Variants in ERICH4 observed in about 807,000 individuals in gnomAD.
The protein encoded by ERICH4 is glutamate-rich protein 4.
ERICH4 carries 4 observed loss-of-function variants against 5.2 expected under a neutral mutation model. The ratio of observed to expected loss-of-function variants is 0.77; its 90% CI spans 0.38 to 1.76. The LOEUF (loss-of-function observed/expected upper bound fraction) is 1.76. Among genes scored for constraint, ERICH4 ranks in the 40% most tolerant of loss-of-function variants. The probability of loss-of-function intolerance (pLI) is 0.04; values close to 1 mark genes in which losing one functional copy is unlikely to be tolerated. For missense variants in ERICH4, 164 were observed against 159.8 expected, an observed-to-expected ratio of 1.03 and a Z score of -0.14; for synonymous variants, 75 against 68.7, an observed-to-expected ratio of 1.09 and a Z score of -0.45.
At chr19:41,443,708 GA>G (rs1239468453) in intron 1 of ERICH4, among the ~76,000 whole-genome samples, 3 of 152,040 alleles carry the variant, frequency 2.0e-5, no homozygotes, top group Non-Finnish European at 4.4e-5. Context: ...CAGGGGCATG[GA>G]AAGACAAAAA....
rs1482134259 is a variant in ERICH4, at chr19:41,444,098, A to G, written c.267A>G (p.Ile89Met). The stretch of plus-strand genomic sequence containing the variant: ...CGCTGCGGGAGGAACTGGTCACCAT[A>G]TTGGAGGAGGAGGAGGAGAGCAGCA... ...MGALREELVT[I>M]LEEEEESSKE... Residue 89 changes from isoleucine (I) to methionine (M), a missense_variant, in exon 2 of 2, where the codon ATA becomes ATG. By Grantham distance (10) the Ile-to-Met change is conservative. Coordinates refer to ENST00000378187, the MANE Select transcript of ERICH4 (RefSeq NM_001130514.3). 1.3e-6 allele frequency: 2 copies of G among 1,551,640 alleles called. No individual in the cohort carries two copies. Among genetic ancestry groups the G allele is most frequent in the Non-Finnish European group, 1.7e-6 (2 of 1,147,004 alleles).
Position 41,443,258 on chromosome 19 carries a change from TG to T in ERICH4, c.91del (p.Glu31LysfsTer98), listed in dbSNP as rs1555773420. On this transcript the variant is annotated frameshift_variant, in exon 1 of 2. Coordinates refer to ENST00000378187, the MANE Select transcript of ERICH4 (RefSeq NM_001130514.3). LOFTEE classifies it high-confidence loss of function. Reference sequence around the variant, plus strand: ...CAGGCCCTGAGGGAGGTCTCCCCAGTGGAAATCCCTGGTCAGACCCTCAGGA... The same window carrying T: ...CAGGCCCTGAGGGAGGTCTCCCCAGTGAAATCCCTGGTCAGACCCTCAGGA... ...PPQALREVSP[V>X]EIPGQTLRTA... 7.0e-7 allele frequency: 1 copy of T among 1,424,002 alleles called. No homozygotes were observed. Among genetic ancestry groups the T allele is most frequent in the Non-Finnish European group, 9.2e-7 (1 of 1,081,892 alleles). 88.2% of individuals were successfully genotyped at this position (1,424,002 alleles called of 1,614,324 possible).
chr19:41,443,223 C>G lies in ERICH4; in HGVS notation c.54C>G (p.Gly18=), dbSNP rs1161075447. The change falls in exon 1 of 2, where the codon GGC becomes GGG. Residue 18 remains glycine (G), a synonymous_variant. Coordinates refer to ENST00000378187, the MANE Select transcript of ERICH4 (RefSeq NM_001130514.3). ...NQAGLVPPGL[G]PPPQALREVS... is the part of the protein sequence containing the mutation. ...CTGGACTGGTGCCTCCGGGGCTGGG[C>G]CCACCCCCCCAGGCCCTGAGGGAGG... 2.0e-6 allele frequency: 3 copies of G among 1,470,846 alleles called. No homozygotes were observed. In the South Asian group the frequency reaches 4.0e-5, roughly 20 times the overall value. 91.1% of individuals were successfully genotyped at this position (1,470,846 alleles called of 1,614,324 possible).
rs1555773593 is a variant in ERICH4, at chr19:41,444,307, G to T, written c.*83G>T. The T allele has an allele frequency of 1.4e-6, 2 of 1,463,816 alleles. No individual in the cohort carries two copies. Among genetic ancestry groups the T allele is most frequent in the Non-Finnish European group, 1.9e-6 (2 of 1,069,434 alleles). The allele number at this position is 1,463,816 out of a possible 1,614,324, so 90.7% of individuals were successfully genotyped here. A position where few individuals can be genotyped will look rare whatever the true frequency, so the allele number is the denominator to read the frequency against. On this transcript the variant is annotated 3_prime_UTR_variant, in exon 2 of 2. Transcript: ENST00000378187. ...GAAGGGAGATTTGCAGGTCAAAGCA[G>T]ATGTGGAATCAAGTATACCCCTTTA... is the stretch of plus-strand genomic sequence containing the variant.
Position 41,444,297 on chromosome 19 carries a change from G to A in ERICH4, c.*73G>A. ...ATGTAAAGGAGAAGGGAGATTTGCA[G>A]GTCAAAGCAGATGTGGAATCAAGTA... On this transcript the variant is annotated 3_prime_UTR_variant, in exon 2 of 2. Coordinates refer to ENST00000378187, the MANE Select transcript of ERICH4 (RefSeq NM_001130514.3). 5 of 1,498,198 alleles carry A rather than the reference G, an allele frequency of 3.3e-6. No individual in the cohort carries two copies. The highest frequency in any genetic ancestry group is 3.6e-4 in the Middle Eastern group (2 of 5,614). The allele number at this position is 1,498,198 out of a possible 1,614,324, so 92.8% of individuals were successfully genotyped here. A position where few individuals can be genotyped will look rare whatever the true frequency, so the allele number is the denominator to read the frequency against.
rs1568533400 is a variant in ERICH4, at chr19:41,444,055, T to C, written c.224T>C (p.Leu75Pro). 1.3e-6 allele frequency: 2 copies of C among 1,550,810 alleles called. No homozygotes were observed. Residue 75 changes from leucine to proline, a missense_variant, in exon 2 of 2, where the codon CTG becomes CCG. Leu to Pro is a moderately conservative substitution (Grantham distance 98). Coordinates refer to ENST00000378187, the MANE Select transcript of ERICH4 (RefSeq NM_001130514.3). The part of the protein sequence containing the change: ...DVQLLGQLCS[L>P]GLEMGALREE... ...CAGCTGCTGGGACAGCTGTGCAGCC[T>C]GGGGCTGGAGATGGGGGCGCTGCGG...
chr19:41,444,411 T>C lies in ERICH4; in HGVS notation c.*187T>C. On this transcript the variant is annotated 3_prime_UTR_variant, in exon 2 of 2. Coordinates refer to ENST00000378187, the MANE Select transcript of ERICH4 (RefSeq NM_001130514.3). ...GCTATGGGTGTGTTTGCAGATGACA[T>C]GAGGATGTGTTTGGAGGTGATGTGG... 1 of 655,300 alleles carries C rather than the reference T, an allele frequency of 1.5e-6. No homozygotes were observed. The highest frequency in any genetic ancestry group is 2.6e-6 in the Non-Finnish European group (1 of 379,920). 40.6% of individuals were successfully genotyped at this position (655,300 alleles called of 1,614,324 possible). A position where few individuals can be genotyped will look rare whatever the true frequency, so the allele number is the denominator to read the frequency against.
chr19:41,443,909 G>C, intron 1 of ERICH4, 97 bp from the exon 2 acceptor site: 1 of 899,414 alleles, frequency 1.1e-6, no homozygotes, highest in Non-Finnish European at 1.7e-6. Flanking sequence ...AGGCGCTGTG[G>C]CCAGGACATG....
intron 1 of ERICH4, 40 bp from the exon 2 acceptor site, chr19:41,443,966 C>T (rs781994212): frequency 1.4e-5 from 21 of 1,503,898 alleles, no homozygotes; most frequent in Middle Eastern, 2.3e-4. Flanking sequence ...CCCTTGCTCT[C>T]TGGGGTGGCA....
Position 41,443,214 on chromosome 19 carries a change from G to A in ERICH4, c.45G>A (p.Pro15=), listed in dbSNP as rs567385141. The A allele has an allele frequency of 5.2e-5, 77 of 1,480,850 alleles. No individual in the cohort carries two copies. Among genetic ancestry groups the A allele is most frequent in the Non-Finnish European group, 5.8e-5 (65 of 1,113,106 alleles). The allele number at this position is 1,480,850 out of a possible 1,614,324, so 91.7% of individuals were successfully genotyped here. A position where few individuals can be genotyped will look rare whatever the true frequency, so the allele number is the denominator to read the frequency against. The stretch of plus-strand genomic sequence containing the variant: ...TGAATCAGGCTGGACTGGTGCCTCC[G>A]GGGCTGGGCCCACCCCCCCAGGCCC... ...RQLNQAGLVP[P]GLGPPPQALR... is the part of the protein sequence containing the mutation. Residue 15 remains proline, a synonymous_variant, in exon 1 of 2, where the codon CCG becomes CCA. Transcript: ENST00000378187.
Position 41,444,305 on chromosome 19 carries a change from C to A in ERICH4, c.*81C>A. The A allele has an allele frequency of 2.7e-6, 4 of 1,469,696 alleles. No homozygotes were observed. Among genetic ancestry groups the A allele is most frequent in the Non-Finnish European group, 3.7e-6 (4 of 1,074,530 alleles). 91.0% of individuals were successfully genotyped at this position (1,469,696 alleles called of 1,614,324 possible). ...GAGAAGGGAGATTTGCAGGTCAAAG[C>A]AGATGTGGAATCAAGTATACCCCTT... is the stretch of plus-strand genomic sequence containing the variant. On this transcript the variant is annotated 3_prime_UTR_variant, in exon 2 of 2. Transcript: ENST00000378187.
chr19:41,444,017 C>A lies in ERICH4; in HGVS notation c.186C>A (p.Arg62=), dbSNP rs1207344227. 1.3e-6 allele frequency: 2 copies of A among 1,549,082 alleles called. No individual in the cohort carries two copies. The highest frequency in any genetic ancestry group is 1.7e-6 in the Non-Finnish European group (2 of 1,146,116). ...CTTCCTACTGGCAGGGGAACCTGCG[C>A]CGAGTGGATGTCCAGCTGCTGGGAC... ...LWIREELGNL[R]RVDVQLLGQL... is the part of the protein sequence containing the mutation. The change falls in exon 2 of 2, where the codon CGC becomes CGA. Residue 62 remains arginine, a synonymous_variant. Coordinates refer to ENST00000378187, the MANE Select transcript of ERICH4 (RefSeq NM_001130514.3).
At position 41,443,871 on chromosome 19, in the gene ERICH4, G is replaced by A. The variant is rs2040140501; in HGVS notation, c.175-135G>A. The A allele has an allele frequency of 1.8e-5, 11 of 626,014 alleles. No individual in the cohort carries two copies. The East Asian group carries it at 3.0e-4, about 17-fold the overall frequency. The allele number at this position is 626,014 out of a possible 1,614,324, so 38.8% of individuals were successfully genotyped here. A position where few individuals can be genotyped will look rare whatever the true frequency, so the allele number is the denominator to read the frequency against. Reference sequence around the variant, plus strand: ...TCTGAGAAGCAGGAAGGCAGTTAGGGTCCATGGGCACAGTGAGGACCCTGC... The same window carrying A: ...TCTGAGAAGCAGGAAGGCAGTTAGGATCCATGGGCACAGTGAGGACCCTGC... On this transcript the variant is annotated intron_variant, in intron 1 of 1. Transcript: ENST00000378187.
Position 41,444,435 on chromosome 19 carries a change from G to T in ERICH4, c.*211G>T. The T allele has an allele frequency of 1.6e-6, 1 of 611,900 alleles. No individual in the cohort carries two copies. The highest frequency in any genetic ancestry group is 2.9e-6 in the Non-Finnish European group (1 of 348,634). 37.9% of individuals were successfully genotyped at this position (611,900 alleles called of 1,614,324 possible). Reference sequence around the variant, plus strand: ...ATGAGGATGTGTTTGGAGGTGATGTGGGAGGTTGTAGAGAAGTTGCAGGTG... The same window carrying T: ...ATGAGGATGTGTTTGGAGGTGATGTTGGAGGTTGTAGAGAAGTTGCAGGTG... On this transcript the variant is annotated 3_prime_UTR_variant, in exon 2 of 2. Transcript: ENST00000378187.
chr19:41,444,367 T>C lies in ERICH4; in HGVS notation c.*143T>C. On this transcript the variant is annotated 3_prime_UTR_variant, in exon 2 of 2. Coordinates refer to ENST00000378187, the MANE Select transcript of ERICH4 (RefSeq NM_001130514.3). ...TTCTCTGAAGGTGCCTGCAATGATA[T>C]TTAGGCATTGGCCTGTGAGCTATGG... The C allele has an allele frequency of 1.2e-6, 1 of 825,118 alleles. No individual in the cohort carries two copies. Among genetic ancestry groups the C allele is most frequent in the South Asian group, 1.7e-5 (1 of 60,414 alleles). The allele number at this position is 825,118 out of a possible 1,614,324, so 51.1% of individuals were successfully genotyped here.
In ERICH4 at chr19:41,443,218, C is replaced by T; in HGVS notation, c.49C>T (p.Leu17=). ...TCAGGCTGGACTGGTGCCTCCGGGG[C>T]TGGGCCCACCCCCCCAGGCCCTGAG... ...LNQAGLVPPG[L]GPPPQALREV... Residue 17 remains leucine (L), a synonymous_variant, in exon 1 of 2, where the codon CTG becomes TTG. Transcript: ENST00000378187. 6.8e-7 allele frequency: 1 copy of T among 1,478,256 alleles called. No individual in the cohort carries two copies. Among genetic ancestry groups the T allele is most frequent in the Non-Finnish European group, 9.0e-7 (1 of 1,111,554 alleles). The allele number at this position is 1,478,256 out of a possible 1,614,324, so 91.6% of individuals were successfully genotyped here.
intron 1 of ERICH4, among the ~76,000 whole-genome samples, 180 bp downstream of exon 1, chr19:41,443,523 G>A (rs2040135682): frequency 6.6e-6 from 1 of 151,926 alleles, no homozygotes; most frequent in African/African-American, 2.4e-5. Context: ...CAGAGGTGGG[G>A]ACAGGGAGAT....
intron 1 of ERICH4, 126 bp from the exon 2 acceptor site, chr19:41,443,880 C>T: frequency 1.5e-6 from 1 of 652,588 alleles, no homozygotes; most frequent in Non-Finnish European, 2.6e-6. Flanking sequence ...GGTCCATGGG[C>T]ACAGTGAGGA....
rs781814529 is a variant in ERICH4 at position 41,443,233 on chromosome 19, C to CA, written c.65dup (p.Ala23GlyfsTer28). On this transcript the variant is annotated frameshift_variant, in exon 1 of 2. Coordinates refer to ENST00000378187, the MANE Select transcript of ERICH4 (RefSeq NM_001130514.3). LOFTEE classifies it high-confidence loss of function. The stretch of plus-strand genomic sequence containing the variant: ...GCCTCCGGGGCTGGGCCCACCCCCC[C>CA]AGGCCCTGAGGGAGGTCTCCCCAGT... 3 of 1,463,928 alleles carry CA rather than the reference C, an allele frequency of 2.0e-6. No homozygotes were observed. Among genetic ancestry groups the CA allele is most frequent in the Middle Eastern group, 2.3e-4 (1 of 4,292 alleles). 90.7% of individuals were successfully genotyped at this position (1,463,928 alleles called of 1,614,324 possible).
Sources: gnomAD v4.1 joint callset for allele counts (sites outside exome capture counted in the v4.1 genomes callset) on GRCh38, gnomAD v4.1.1 for gene constraint, MANE v1.5 for transcripts, NCBI Gene and HGNC (gene_info 2026-07-23, HGNC 2026-07-21) for gene names.